The following UBE2L3 variants were observed in gnomAD, a reference collection of about 807,000 sequenced individuals.
UBE2L3 encodes the protein ubiquitin conjugating enzyme E2 L3, also known as ubiquitin-conjugating enzyme E2 L3.
UBE2L3 carries 1 observed loss-of-function variant against 17.8 expected under a neutral mutation model. The observed-to-expected ratio is 0.06, with a 90% CI of 0.02 to 0.27. The LOEUF (loss-of-function observed/expected upper bound fraction) is 0.27. Among genes scored for constraint, UBE2L3 ranks in the 10% least tolerant of loss-of-function variants. The pLI is 1.00. For missense variants in UBE2L3, 40 were observed against 192.6 expected (o/e 0.21, Z 4.69); for synonymous variants, 44 against 68.5 (o/e 0.64, Z 1.76).
chr22:21,621,346 GT>G (rs1930030911), intron 3 of UBE2L3, among the ~76,000 whole-genome samples, 168 bp from the exon 4 acceptor site: 1 of 152,228 alleles, frequency 6.6e-6, no homozygotes, highest in African/African-American at 2.4e-5. Flanking sequence ...GGAAAGATGA[GT>G]TTTCTGGCAG....
chr22:21,606,033 C>T (rs1210458375), intron 2 of UBE2L3, among the ~76,000 whole-genome samples: 1 of 152,206 alleles, frequency 6.6e-6, no homozygotes. Flanking sequence ...CCTTATCTCT[C>T]ATCATAAACT....
At chr22:21,583,090 G>T (rs375910936) in intron 1 of UBE2L3, among the ~76,000 whole-genome samples, 1 of 152,182 alleles carries the variant, frequency 6.6e-6, no homozygotes, top group African/African-American at 2.4e-5. Context: ...TGAGTGCCCT[G>T]AGTTGGTAAA....
chr22:21,601,980 A>G (rs1928890547), intron 2 of UBE2L3, among the ~76,000 whole-genome samples: 1 of 151,556 alleles, frequency 6.6e-6, no homozygotes, highest in African/African-American at 2.4e-5. Context: ...AAAAAAAAAA[A>G]AAAAAGACAA....
intron 2 of UBE2L3, among the ~76,000 whole-genome samples, chr22:21,606,815 C>G (rs1235774919): frequency 1.3e-5 from 2 of 152,180 alleles, no homozygotes; most frequent in Admixed American, 1.3e-4. Flanking sequence ...CACCTCTGCA[C>G]TCCAGCCTGG....
At position 21,606,891 on chromosome 22, in the gene UBE2L3, C is replaced by T. The variant is rs141576497; in HGVS notation, c.124-3966C>T. Reference sequence around the variant, plus strand: ...TGCTCGGTGGTGATTCAGACCTGGACGCGTGGCTTCAGTAGCCCTGGGGCC... The same window carrying T: ...TGCTCGGTGGTGATTCAGACCTGGATGCGTGGCTTCAGTAGCCCTGGGGCC... On this transcript the variant is annotated intron_variant, in intron 2 of 3. Transcript: ENST00000342192. 4.5e-3 allele frequency among the ~76,000 whole-genome samples: 680 copies of T among 152,202 alleles called. 6 individuals carry two copies. Among genetic ancestry groups the T allele is most frequent in the African/African-American group, 0.015 (633 of 41,528 alleles).
At chr22:21,592,137 TACA>T (rs1349740676) in intron 1 of UBE2L3, among the ~76,000 whole-genome samples, 3 of 152,194 alleles carry the variant, frequency 2.0e-5, no homozygotes, top group African/African-American at 7.2e-5. Context: ...TGACTGTTTA[TACA>T]ACAATAACCC....
At chr22:21,617,901 G>A (rs1929855741) in intron 3 of UBE2L3, among the ~76,000 whole-genome samples, 1 of 152,202 alleles carries the variant, frequency 6.6e-6, no homozygotes, top group Non-Finnish European at 1.5e-5. Context: ...CAGACTTGAG[G>A]CCGGGCATGG....
intron 1 of UBE2L3, among the ~76,000 whole-genome samples, chr22:21,561,122 A>G (rs1349197214): frequency 8.2e-4 from 125 of 152,330 alleles, no homozygotes; most frequent in African/African-American, 2.7e-3. Flanking sequence ...CTCACAGTCC[A>G]AGAACAGACT....
chr22:21,565,783 A>AAAAAAAAG (rs1568967882), upstream of UBE2L3, among the ~76,000 whole-genome samples: 1 of 148,440 alleles, frequency 6.7e-6, no homozygotes, highest in Admixed American at 6.7e-5. Flanking sequence ...AAAAAAAAAA[A>AAAAAAAAG]AGAGAAAAAC....
At chr22:21,569,328 G>A (rs565816328) in intron 1 of UBE2L3, among the ~76,000 whole-genome samples, 1 of 149,982 alleles carries the variant, frequency 6.7e-6, no homozygotes, top group South Asian at 2.1e-4. Flanking sequence ...CCCGGCAGGT[G>A]GAGGTTGCAG....
chr22:21,589,270 C>T (rs1324342459), intron 1 of UBE2L3, among the ~76,000 whole-genome samples: 4 of 151,752 alleles, frequency 2.6e-5, no homozygotes, highest in South Asian at 2.1e-4. Context: ...CTCAGCCTCC[C>T]GAGTAGCTGG....
At chr22:21,615,284 G>A (rs889815784) in intron 3 of UBE2L3, among the ~76,000 whole-genome samples, 6 of 152,086 alleles carry the variant, frequency 3.9e-5, no homozygotes, top group East Asian at 1.9e-4. Context: ...GGCCGGGCGC[G>A]GTGGCTCACG....
chr22:21,614,476 C>T (rs920489743), intron 3 of UBE2L3: 20 of 872,762 alleles, frequency 2.3e-5, no homozygotes, highest in Non-Finnish European at 3.4e-5. Context: ...TTGTGCCACC[C>T]TCCTGCTGTA....
intron 2 of UBE2L3, among the ~76,000 whole-genome samples, chr22:21,609,729 G>A (rs912685213): frequency 6.6e-6 from 1 of 150,850 alleles, no homozygotes. Flanking sequence ...ATGAAGTGGG[G>A]GAAAAACAAG....
upstream of UBE2L3, chr22:21,567,557 G>GCCCA: frequency 7.6e-7 from 1 of 1,316,308 alleles, no homozygotes; most frequent in South Asian, 1.5e-5. Context: ...AAACGCTGAG[G>GCCCA]CCCAGTCTGT....
At chr22:21,603,810 C>G (rs1928994523) in intron 2 of UBE2L3, among the ~76,000 whole-genome samples, 1 of 149,052 alleles carries the variant, frequency 6.7e-6, no homozygotes, top group South Asian at 2.1e-4. Context: ...GCACTCCAGC[C>G]TGGGCGACAG....
chr22:21,591,537 A>T (rs548128119), intron 1 of UBE2L3, among the ~76,000 whole-genome samples: 1 of 152,034 alleles, frequency 6.6e-6, no homozygotes, highest in Non-Finnish European at 1.5e-5. Context: ...ACATCTTCCT[A>T]CTCAGAACCA....
chr22:21,597,199 C>T lies in UBE2L3; in HGVS notation c.123+4243C>T, dbSNP rs371520148. The stretch of plus-strand genomic sequence containing the variant: ...TTTACCATGTTGGCCAGGCTGGTCT[C>T]GAACTCCTGACCTCAAGTGATCTGT... On this transcript the variant is annotated intron_variant, in intron 2 of 3. Coordinates refer to ENST00000342192, the MANE Select transcript of UBE2L3 (RefSeq NM_003347.4). 7.9e-5 allele frequency among the ~76,000 whole-genome samples: 12 copies of T among 152,208 alleles called. No individual in the cohort carries two copies. The South Asian group carries it at 1.4e-3, about 18-fold the overall frequency.
At position 21,623,951 on chromosome 22, in the gene UBE2L3, A is replaced by C. The variant is rs1023659026; in HGVS notation, c.*2282A>C. The C allele has an allele frequency of 3.3e-5, 5 of 151,790 alleles. No homozygotes were observed. Among genetic ancestry groups the C allele is most frequent in the African/African-American group, 1.2e-4 (5 of 41,244 alleles). The allele number at this position is 151,790 out of a possible 1,614,324, so 9.4% of individuals were successfully genotyped here. A position where few individuals can be genotyped will look rare whatever the true frequency, so the allele number is the denominator to read the frequency against. On this transcript the variant is annotated 3_prime_UTR_variant, in exon 4 of 4. Coordinates refer to ENST00000342192, the MANE Select transcript of UBE2L3 (RefSeq NM_003347.4). ...TGCTGGGTCCTTCCCTCTGCTCCCT[A>C]CTCCCCACCACGGCAGAGAATAGGC...
Sources: gnomAD v4.1 joint callset for allele counts (sites outside exome capture counted in the v4.1 genomes callset) on GRCh38, gnomAD v4.1.1 for gene constraint, MANE v1.5 for transcripts, NCBI Gene and HGNC (gene_info 2026-07-23, HGNC 2026-07-21) for gene names.